Variants in GRIP1 observed in about 807,000 individuals in gnomAD.
GRIP1 encodes the protein glutamate receptor interacting protein 1.
A neutral mutation model predicts 129.9 loss-of-function variants in GRIP1; 45 were observed. That is an observed-to-expected ratio of 0.35 (90% CI 0.27 to 0.44). The LOEUF (loss-of-function observed/expected upper bound fraction) is 0.44, where lower values mean the gene tolerates loss of function less well. GRIP1 is among the 20% of genes least tolerant of loss of function. The pLI is 1.00. For missense variants in GRIP1, 1,196 were observed against 1,396.8 expected (o/e 0.86, Z 2.29); for synonymous variants, 530 against 520.8 (o/e 1.02, Z -0.24).
intron 14 of GRIP1, among the ~76,000 whole-genome samples, chr12:66,422,208 A>T (rs545947304): frequency 2.0e-5 from 3 of 152,246 alleles, no homozygotes; most frequent in African/African-American, 7.2e-5. Context: ...ACATTTAAAG[A>T]AAAAGAAAAC....
chr12:66,897,365 A>G (rs955141454), intron 1 of GRIP1, among the ~76,000 whole-genome samples: 8 of 152,224 alleles, frequency 5.3e-5, no homozygotes, highest in African/African-American at 1.9e-4. Flanking sequence ...GGTGAGAATC[A>G]AGACAGAGCA....
intron 1 of GRIP1, among the ~76,000 whole-genome samples, chr12:66,675,740 A>C (rs1316344837): frequency 6.6e-6 from 1 of 152,202 alleles, no homozygotes; most frequent in African/African-American, 2.4e-5. Flanking sequence ...GGAGGAAGAA[A>C]AGAACGGCAT....
At chr12:66,896,920 C>T (rs1484182607) in intron 1 of GRIP1, among the ~76,000 whole-genome samples, 1 of 152,224 alleles carries the variant, frequency 6.6e-6, no homozygotes, top group African/African-American at 2.4e-5. Flanking sequence ...ATTTTCCAGA[C>T]ACTCTTCCGA....
At chr12:66,607,912 C>T (rs961330213) in intron 1 of GRIP1, among the ~76,000 whole-genome samples, 5 of 152,122 alleles carry the variant, frequency 3.3e-5, no homozygotes, top group African/African-American at 1.2e-4. Context: ...TTTTTATAGA[C>T]TTTAGTTTTG....
At chr12:66,906,697 T>C (rs1350492641) in intron 1 of GRIP1, among the ~76,000 whole-genome samples, 2 of 152,042 alleles carry the variant, frequency 1.3e-5, no homozygotes, top group Non-Finnish European at 2.9e-5. Context: ...ATAACCAAAA[T>C]GGGAGCAAGC....
intron 1 of GRIP1, among the ~76,000 whole-genome samples, chr12:66,609,451 A>G (rs2064693538): frequency 6.6e-6 from 1 of 152,176 alleles, no homozygotes. Flanking sequence ...TTGACATTAA[A>G]TGGTCTATTA....
upstream of GRIP1, among the ~76,000 whole-genome samples, chr12:66,808,417 C>A (rs2039038914): frequency 1.3e-5 from 2 of 152,106 alleles, no homozygotes; most frequent in Non-Finnish European, 2.9e-5. Flanking sequence ...CCTGCCTCAG[C>A]CTCCCGAGTA....
At chr12:66,737,081 G>T (rs1350441334) in intron 1 of GRIP1, among the ~76,000 whole-genome samples, 1 of 152,114 alleles carries the variant, frequency 6.6e-6, no homozygotes, top group East Asian at 1.9e-4. Flanking sequence ...GCATCTGGGT[G>T]GGTTGAATAA....
chr12:66,402,179 G>A (rs2057027032), intron 16 of GRIP1, among the ~76,000 whole-genome samples: 1 of 152,154 alleles, frequency 6.6e-6, no homozygotes, highest in African/African-American at 2.4e-5. Context: ...TTTCCTTGAG[G>A]TCCTCAGGCT....
At chr12:66,847,455 G>A (rs1264056183) in intron 1 of GRIP1, among the ~76,000 whole-genome samples, 1 of 152,104 alleles carries the variant, frequency 6.6e-6, no homozygotes, top group Non-Finnish European at 1.5e-5. Context: ...TAAGGGGCTT[G>A]ATGAACATCT....
intron 1 of GRIP1, among the ~76,000 whole-genome samples, chr12:66,853,142 C>T (rs187051847): frequency 1.3e-5 from 2 of 151,612 alleles, no homozygotes; most frequent in South Asian, 4.2e-4. Context: ...TTTCTTCCGA[C>T]TGTAATTCTC....
At chr12:67,026,062 C>G (rs900376067) in intron 1 of GRIP1, among the ~76,000 whole-genome samples, 2 of 152,084 alleles carry the variant, frequency 1.3e-5, no homozygotes, top group Non-Finnish European at 2.9e-5. Flanking sequence ...AACTCCCTGT[C>G]GGGGCTGCTT....
chr12:66,753,835 A>G (rs2037202607), intron 1 of GRIP1, among the ~76,000 whole-genome samples: 1 of 152,236 alleles, frequency 6.6e-6, no homozygotes. Context: ...AATGACTGAT[A>G]GTATCTGATA....
chr12:66,541,311 C>T (rs1371579857), intron 3 of GRIP1, among the ~76,000 whole-genome samples: 1 of 152,190 alleles, frequency 6.6e-6, no homozygotes, highest in Non-Finnish European at 1.5e-5. Flanking sequence ...GAAACCAACT[C>T]TTTAAAATCT....
At chr12:66,921,573 G>A (rs1333421110) in intron 1 of GRIP1, among the ~76,000 whole-genome samples, 2 of 152,142 alleles carry the variant, frequency 1.3e-5, no homozygotes, top group African/African-American at 2.4e-5. Context: ...AGTAGGGATG[G>A]GGCACCCACA....
intron 11 of GRIP1, among the ~76,000 whole-genome samples, chr12:66,448,896 T>C (rs1230105842): frequency 6.6e-6 from 1 of 152,172 alleles, no homozygotes; most frequent in Admixed American, 6.5e-5. Context: ...TAGAACAAAC[T>C]TTTCAATTCT....
At chr12:66,456,146 A>G (rs4913435) in intron 10 of GRIP1, 41 bp downstream of exon 10, 327,823 of 1,209,480 alleles carry the variant, frequency 0.27, 45,688 homozygotes, top group Middle Eastern at 0.37. Context: ...GAAAAATATA[A>G]TTGAAATAAA....
chr12:66,464,042 T>C (rs961626787), intron 8 of GRIP1, among the ~76,000 whole-genome samples: 17 of 152,204 alleles, frequency 1.1e-4, no homozygotes, highest in South Asian at 2.1e-4. Flanking sequence ...CACTGCACCA[T>C]GGCTGGAGGT....
chr12:66,372,112 ATTTAT>A, intron 22 of GRIP1, 185 bp from the exon 23 acceptor site: 1 of 638,120 alleles, frequency 1.6e-6, no homozygotes, highest in South Asian at 1.8e-5. Context: ...TGCAAGTGAC[ATTTAT>A]AATGCACATC....
Sources: gnomAD v4.1 joint callset for allele counts (sites outside exome capture counted in the v4.1 genomes callset) on GRCh38, gnomAD v4.1.1 for gene constraint, MANE v1.5 for transcripts, NCBI Gene and HGNC (gene_info 2026-07-23, HGNC 2026-07-21) for gene names.